Variants in KIAA1671 observed in about 807,000 individuals in gnomAD.
The protein encoded by KIAA1671 is KIAA1671, also known as uncharacterized protein KIAA1671.
In KIAA1671, 52 loss-of-function variants were observed where a neutral mutation model predicts 131.2. The observed-to-expected ratio is 0.40, with a 90% confidence interval of 0.32 to 0.50. The LOEUF (loss-of-function observed/expected upper bound fraction) is 0.50, where lower values mean the gene tolerates loss of function less well. Ranked by LOEUF, KIAA1671 falls within the 20% of genes least tolerant of loss-of-function variation. KIAA1671 has a pLI of 0.73. For missense variants in KIAA1671, 2,360 were observed against 2,364.2 expected, an observed-to-expected ratio of 1.00 and a Z score of 0.04; for synonymous variants, 1,003 against 961.6, an observed-to-expected ratio of 1.04 and a Z score of -0.80.
chr22:25,177,623 C>A, intron 9 of KIAA1671, 101 bp downstream of exon 9: 3 of 969,808 alleles, frequency 3.1e-6, no homozygotes, highest in Non-Finnish European at 4.5e-6. Context: ...GGCTGTAGAT[C>A]ATTAGAACAC....
chr22:25,034,107 G>A (rs1462104394), intron 4 of KIAA1671, among the ~76,000 whole-genome samples: 2 of 149,336 alleles, frequency 1.3e-5, no homozygotes, highest in Non-Finnish European at 3.0e-5. Flanking sequence ...GTGCAGTGGT[G>A]CGATCTTGGC....
chr22:24,998,057 A>G (rs1434471352), intron 1 of KIAA1671, among the ~76,000 whole-genome samples: 1 of 152,206 alleles, frequency 6.6e-6, no homozygotes, highest in East Asian at 1.9e-4. Context: ...TTCTTGACTT[A>G]TAATGGGGAT....
At chr22:25,006,569 C>G (rs1183121628) in intron 1 of KIAA1671, among the ~76,000 whole-genome samples, 1 of 152,164 alleles carries the variant, frequency 6.6e-6, no homozygotes, top group Non-Finnish European at 1.5e-5. Flanking sequence ...AAGCCCTCCC[C>G]TTCTCTCCCC....
At chr22:25,078,596 G>A (rs1049028780) in intron 6 of KIAA1671, among the ~76,000 whole-genome samples, 7 of 152,086 alleles carry the variant, frequency 4.6e-5, no homozygotes, top group African/African-American at 1.7e-4. Flanking sequence ...CATGTTGAAA[G>A]CTATTGTGGG....
chr22:25,124,864 C>T (rs1212592366), intron 6 of KIAA1671, among the ~76,000 whole-genome samples: 1 of 152,142 alleles, frequency 6.6e-6, no homozygotes, highest in African/African-American at 2.4e-5. Context: ...TCATACGATC[C>T]TCCCATCTCA....
At chr22:25,134,278 T>G (rs1235561332) in intron 6 of KIAA1671, among the ~76,000 whole-genome samples, 1 of 152,178 alleles carries the variant, frequency 6.6e-6, no homozygotes, top group East Asian at 1.9e-4. Context: ...AGCTGGATTC[T>G]TGTGTTTACC....
chr22:24,958,084 G>C (rs2123793372), intron 1 of KIAA1671, among the ~76,000 whole-genome samples: 1 of 151,690 alleles, frequency 6.6e-6, no homozygotes, highest in South Asian at 2.1e-4. Context: ...TGTGCTGCGA[G>C]GTCACGCAGC....
chr22:24,959,560 G>GCA (rs1921902982), intron 1 of KIAA1671, among the ~76,000 whole-genome samples: 1 of 146,410 alleles, frequency 6.8e-6, no homozygotes, highest in African/African-American at 2.5e-5. Context: ...AACAATCGAG[G>GCA]CACATACACA....
At chr22:24,965,527 T>C (rs550506996) in intron 1 of KIAA1671, among the ~76,000 whole-genome samples, 127 of 151,088 alleles carry the variant, frequency 8.4e-4, no homozygotes, top group African/African-American at 3.0e-3. Flanking sequence ...GATCACGAGG[T>C]CAGGAGTTCA....
At chr22:25,000,492 CTTTT>C (rs932233451) in intron 1 of KIAA1671, among the ~76,000 whole-genome samples, 1 of 49,656 alleles carries the variant, frequency 2.0e-5, no homozygotes, top group Non-Finnish European at 4.4e-5. Flanking sequence ...CGCGCCCGGC[CTTTT>C]TTTTTTTTTT....
chr22:25,151,380 A>C (rs1363383549), intron 6 of KIAA1671, among the ~76,000 whole-genome samples: 2 of 148,670 alleles, frequency 1.3e-5, no homozygotes, highest in Non-Finnish European at 3.0e-5. Context: ...ACACATATGT[A>C]TATATAGACA....
Position 25,040,488 on chromosome 22 carries a change from T to C in KIAA1671, c.3358T>C (p.Phe1120Leu). ...TCTTGGGGCCTGGAGTCTGGACCCT[T>C]TCAATGGAAGAATCATTGATGTGGA... ...SSLGAWSLDP[F>L]NGRIIDVDAL... is the part of the protein sequence containing the mutation. Residue 1120 changes from phenylalanine to leucine, a missense_variant, in exon 5 of 13, where the codon TTC becomes CTC. Around this residue, in one of 3 missense-constraint regions of KIAA1671, gnomAD observed 1,161 missense variants for 1,204.7 expected, o/e 0.96. Transcript: ENST00000358431. The C allele has an allele frequency of 6.4e-7, 1 of 1,551,964 alleles. No individual in the cohort carries two copies. The highest frequency in any genetic ancestry group is 8.7e-7 in the Non-Finnish European group (1 of 1,147,034).
chr22:25,086,301 G>A (rs539504523), intron 6 of KIAA1671, among the ~76,000 whole-genome samples: 2 of 152,328 alleles, frequency 1.3e-5, no homozygotes, highest in East Asian at 1.9e-4. Context: ...CTGAATGAGC[G>A]AATGAGTGGG....
At chr22:25,149,250 C>A (rs1932960359) in intron 6 of KIAA1671, among the ~76,000 whole-genome samples, 1 of 152,194 alleles carries the variant, frequency 6.6e-6, no homozygotes, top group Non-Finnish European at 1.5e-5. Context: ...AGGATTGGAG[C>A]CTGGGTCTGC....
At chr22:25,060,797 A>G (rs1389363032) in intron 6 of KIAA1671, 2 of 151,334 alleles carry the variant, frequency 1.3e-5, no homozygotes, top group African/African-American at 4.9e-5. Context: ...TGACCACAAG[A>G]GGGTAGGATG....
intron 1 of KIAA1671, among the ~76,000 whole-genome samples, chr22:24,988,104 C>T (rs1269093023): frequency 3.9e-5 from 6 of 151,968 alleles, no homozygotes; most frequent in African/African-American, 7.2e-5. Context: ...GGTGAAACCC[C>T]GTTTCTACTA....
chr22:25,181,575 A>G lies in KIAA1671; in HGVS notation c.5075-124A>G, dbSNP rs1178736095. The G allele has an allele frequency of 5.9e-6, 7 of 1,176,600 alleles. No homozygotes were observed. The African/African-American group carries it at 1.1e-4, about 18-fold the overall frequency. The allele number at this position is 1,176,600 out of a possible 1,614,324, so 72.9% of individuals were successfully genotyped here. The stretch of plus-strand genomic sequence containing the variant: ...GTGGTCCTCATCTGTAAAATGGGCC[A>G]TAGCGTCTTCTGTGCAGGTCTGATG... On this transcript the variant is annotated intron_variant, in intron 9 of 12. Transcript: ENST00000358431.
rs189708544 is a variant in KIAA1671 at position 24,979,640 on chromosome 22, C to T, written c.-208+26868C>T. On this transcript the variant is annotated intron_variant, in intron 1 of 12. Coordinates refer to ENST00000358431, the MANE Select transcript of KIAA1671 (RefSeq NM_001145206.2). ...CTGGGATTACAGGCGTGAGCCACCG[C>T]GCCCGGCCAATAATTTTTAAGTTTA... 4.2e-4 allele frequency among the ~76,000 whole-genome samples: 64 copies of T among 152,184 alleles called. No homozygotes were observed. The East Asian group carries it at 0.011, about 26-fold the overall frequency.
chr22:25,177,542 C>G lies in KIAA1671; in HGVS notation c.5074+20C>G. On this transcript the variant is annotated intron_variant, in intron 9 of 12. Transcript: ENST00000358431. ...CAACGGGTATGCCATGACTTCTCTCCTCCTCAGATAGCACATTGAACAGCA... is the reference window on the plus strand; with the variant it reads ...CAACGGGTATGCCATGACTTCTCTCGTCCTCAGATAGCACATTGAACAGCA... 6.5e-7 allele frequency: 1 copy of G among 1,539,324 alleles called. No homozygotes were observed. Among genetic ancestry groups the G allele is most frequent in the South Asian group, 1.2e-5 (1 of 83,454 alleles).
Sources: gnomAD v4.1 joint callset for allele counts (sites outside exome capture counted in the v4.1 genomes callset) on GRCh38, gnomAD v4.1.1 for gene constraint, gnomAD v4.1.1 regional missense constraint, MANE v1.5 for transcripts, NCBI Gene and HGNC (gene_info 2026-07-23, HGNC 2026-07-21) for gene names.